The following DIAPH3 variants were observed in gnomAD, a reference collection of about 807,000 sequenced individuals.
DIAPH3 encodes the protein protein diaphanous homolog 3.
Under a neutral mutation model 144.3 loss-of-function variants are expected in DIAPH3, and 117 were observed. That is an observed-to-expected ratio of 0.81 (90% CI 0.70 to 0.95). The LOEUF is 0.95. Among genes scored for constraint, DIAPH3 ranks in the 40% least tolerant of loss-of-function variants. The pLI, the probability that DIAPH3 is intolerant of heterozygous loss-of-function variation, is 0.00. For missense variants in DIAPH3, 1,421 were observed against 1,412.7 expected (o/e 1.01, Z -0.09); for synonymous variants, 519 against 488.9 (o/e 1.06, Z -0.81).
At chr13:59,838,911 C>A (rs2042183184) in intron 23 of DIAPH3, 1 of 171,358 alleles carries the variant, frequency 5.8e-6, no homozygotes, top group East Asian at 1.6e-4. Context: ...GAGGTCGATA[C>A]CAGTCTGGCG....
intron 24 of DIAPH3, among the ~76,000 whole-genome samples, chr13:59,822,160 G>A (rs983557404): frequency 6.6e-6 from 1 of 152,082 alleles, no homozygotes; most frequent in African/African-American, 2.4e-5. Flanking sequence ...AGTATAAGAT[G>A]TTTGTAATAA....
chr13:59,753,273 G>T (rs2037102735), intron 27 of DIAPH3, among the ~76,000 whole-genome samples: 2 of 152,120 alleles, frequency 1.3e-5, no homozygotes, highest in South Asian at 4.1e-4. Context: ...GATATCTGAG[G>T]CTTCTACTCT....
At chr13:60,147,061 C>T (rs1951561720) in intron 1 of DIAPH3, among the ~76,000 whole-genome samples, 1 of 152,170 alleles carries the variant, frequency 6.6e-6, no homozygotes, top group Admixed American at 6.5e-5. Context: ...AGAGTTAAAT[C>T]ACGTTACTGG....
At chr13:59,797,658 A>G (rs1238589449) in intron 25 of DIAPH3, among the ~76,000 whole-genome samples, 1 of 152,126 alleles carries the variant, frequency 6.6e-6, no homozygotes, top group African/African-American at 2.4e-5. Flanking sequence ...CTTGGAACTG[A>G]ATGTTTGGGC....
At chr13:60,161,456 C>G (rs1261142564) in intron 1 of DIAPH3, among the ~76,000 whole-genome samples, 1 of 152,210 alleles carries the variant, frequency 6.6e-6, no homozygotes, top group Non-Finnish European at 1.5e-5. Flanking sequence ...AGTCTTGAGA[C>G]TGGGATACTG....
chr13:59,879,307 T>C lies in DIAPH3; in HGVS notation c.2529A>G (p.Val843=), dbSNP rs968693893. The change falls in exon 21 of 28, where the codon GTA becomes GTG. Residue 843 remains valine, a synonymous_variant. Transcript: ENST00000400324. ...CATTCATGTAGTTTCCCATTAGCAATACAAGTTCCAGCAACTTGCTAAAGC... is the reference window on the plus strand; with the variant it reads ...CATTCATGTAGTTTCCCATTAGCAACACAAGTTCCAGCAACTTGCTAAAGC... ...SKSFSKLLEL[V]LLMGNYMNAG... is the part of the protein sequence containing the mutation. 1 of 1,613,868 alleles carries C rather than the reference T, an allele frequency of 6.2e-7. No homozygotes were observed. Among genetic ancestry groups the C allele is most frequent in the South Asian group, 1.1e-5 (1 of 91,078 alleles).
At chr13:60,083,369 T>G (rs1417537394) in intron 4 of DIAPH3, among the ~76,000 whole-genome samples, 2 of 152,068 alleles carry the variant, frequency 1.3e-5, no homozygotes, top group Non-Finnish European at 2.9e-5. Flanking sequence ...GAGAGATGTC[T>G]CTTTGTAAAA....
intron 5 of DIAPH3, among the ~76,000 whole-genome samples, chr13:60,031,209 A>T (rs2054764840): frequency 6.6e-6 from 1 of 151,956 alleles, no homozygotes; most frequent in African/African-American, 2.4e-5. Context: ...CCAGAGCCAG[A>T]GTGTGTGTGT....
intron 17 of DIAPH3, among the ~76,000 whole-genome samples, chr13:59,933,306 T>C (rs776534090): frequency 9.9e-5 from 15 of 152,140 alleles, no homozygotes; most frequent in Non-Finnish European, 2.2e-4. Context: ...ACCTATGATA[T>C]AGGGATACTG....
intron 27 of DIAPH3, among the ~76,000 whole-genome samples, chr13:59,716,182 A>AT (rs913853524): frequency 6.1e-4 from 47 of 77,612 alleles, no homozygotes; most frequent in African/African-American, 1.3e-3. Flanking sequence ...CAAGAAACTT[A>AT]TTTTTTTTTT....
chr13:59,980,396 T>C (rs567643824), intron 14 of DIAPH3, among the ~76,000 whole-genome samples: 2 of 151,728 alleles, frequency 1.3e-5, no homozygotes, highest in East Asian at 1.9e-4. Flanking sequence ...TTTTGCTCCA[T>C]CATCCACTCA....
intron 25 of DIAPH3, among the ~76,000 whole-genome samples, chr13:59,804,997 G>C (rs553125810): frequency 6.6e-6 from 1 of 152,194 alleles, no homozygotes; most frequent in East Asian, 1.9e-4. Flanking sequence ...GAAAACAAAG[G>C]AGCAGTTTTG....
intron 20 of DIAPH3, among the ~76,000 whole-genome samples, chr13:59,887,572 C>G (rs150133041): frequency 7.9e-5 from 12 of 152,014 alleles, no homozygotes; most frequent in African/African-American, 2.9e-4. Context: ...AGAAAACATA[C>G]CCTGCAAGAT....
At chr13:59,968,628 T>C (rs992257948) in intron 17 of DIAPH3, among the ~76,000 whole-genome samples, 17 of 152,178 alleles carry the variant, frequency 1.1e-4, no homozygotes, top group African/African-American at 3.9e-4. Context: ...CTCAAAAATA[T>C]CTGTTAACTG....
At chr13:59,967,548 T>G (rs572930650) in intron 17 of DIAPH3, among the ~76,000 whole-genome samples, 97 of 152,164 alleles carry the variant, frequency 6.4e-4, no homozygotes, top group Non-Finnish European at 1.2e-3. Flanking sequence ...CTGGACATCT[T>G]TCTCTTTCCT....
chr13:59,744,229 T>A (rs556139146), intron 27 of DIAPH3, among the ~76,000 whole-genome samples: 1 of 152,198 alleles, frequency 6.6e-6, no homozygotes, highest in Admixed American at 6.5e-5. Context: ...TACCAGATGA[T>A]GACATGATAT....
At chr13:59,751,403 TC>T (rs1448048273) in intron 27 of DIAPH3, among the ~76,000 whole-genome samples, 1 of 152,206 alleles carries the variant, frequency 6.6e-6, no homozygotes, top group Non-Finnish European at 1.5e-5. Context: ...ATGGATCCAT[TC>T]CTTTAAAATT....
At chr13:59,823,806 G>C (rs2041214086) in intron 24 of DIAPH3, among the ~76,000 whole-genome samples, 3 of 152,084 alleles carry the variant, frequency 2.0e-5, no homozygotes, top group Admixed American at 6.6e-5. Context: ...TGTTCTGGCT[G>C]TCCTCCCTAT....
chr13:59,812,598 C>T (rs1214575095), intron 24 of DIAPH3, among the ~76,000 whole-genome samples: 1 of 152,076 alleles, frequency 6.6e-6, no homozygotes, highest in Non-Finnish European at 1.5e-5. Flanking sequence ...CTCACTCTGA[C>T]TTGATTCAAG....
Sources: allele counts gnomAD v4.1 joint callset (sites outside exome capture counted in the v4.1 genomes callset), GRCh38; gene constraint gnomAD v4.1.1; transcripts MANE v1.5; gene names NCBI Gene and HGNC (gene_info 2026-07-23, HGNC 2026-07-21).